ARHGAP44: variants seen among roughly 807,000 people sequenced by gnomAD.
The protein encoded by ARHGAP44 is Rho GTPase activating protein 44, also known as rho GTPase-activating protein 44.
ARHGAP44 carries 43 observed loss-of-function variants against 106.8 expected under a neutral mutation model. The observed-to-expected ratio is 0.40, with a 90% CI of 0.32 to 0.52. The LOEUF (loss-of-function observed/expected upper bound fraction) is 0.52, where lower values mean the gene tolerates loss of function less well. Among genes scored for constraint, ARHGAP44 ranks in the 20% least tolerant of loss-of-function variants. The probability of loss-of-function intolerance (pLI) is 0.48; values close to 1 mark genes in which losing one functional copy is unlikely to be tolerated. For missense variants in ARHGAP44, 866 were observed against 1,050.5 expected (o/e 0.82, Z 2.43); for synonymous variants, 439 against 410.3 (o/e 1.07, Z -0.85).
At chr17:12,929,985 TTCTC>T (rs2038352566) in intron 7 of ARHGAP44, among the ~76,000 whole-genome samples, 1 of 152,176 alleles carries the variant, frequency 6.6e-6, no homozygotes, top group African/African-American at 2.4e-5. Context: ...CAGGGAGAAT[TTCTC>T]TCTAGAATTA....
At chr17:12,889,585 A>T (rs1384658330) in intron 1 of ARHGAP44, among the ~76,000 whole-genome samples, 2 of 152,188 alleles carry the variant, frequency 1.3e-5, no homozygotes, top group Non-Finnish European at 2.9e-5. Context: ...TTCAGGAGAC[A>T]TATTCAGCTT....
At chr17:12,829,106 G>T (rs997253363) in intron 1 of ARHGAP44, among the ~76,000 whole-genome samples, 1 of 152,056 alleles carries the variant, frequency 6.6e-6, no homozygotes, top group African/African-American at 2.4e-5. Flanking sequence ...TTTGTATAAG[G>T]TAGGGATTAA....
intron 16 of ARHGAP44, among the ~76,000 whole-genome samples, chr17:12,964,942 A>G (rs1248069449): frequency 6.6e-6 from 1 of 152,016 alleles, no homozygotes; most frequent in African/African-American, 2.4e-5. Flanking sequence ...TCAGTAGACC[A>G]CTGCCCACTC....
rs937583882 is a variant in ARHGAP44 at position 12,834,941 on chromosome 17, G to A, written c.53+45050G>A. Among the ~76,000 whole-genome samples the A allele has an allele frequency of 2.6e-5, 4 of 152,172 alleles. No homozygotes were observed. The East Asian group carries it at 7.7e-4, about 29-fold the overall frequency. ...AAAAGTACAGCTTACTCTAATCATTGCAAGTTTAATTGCCTGTAATTATTT... is the reference window on the plus strand; with the variant it reads ...AAAAGTACAGCTTACTCTAATCATTACAAGTTTAATTGCCTGTAATTATTT... On this transcript the variant is annotated intron_variant, in intron 1 of 20. Coordinates refer to ENST00000379672, the MANE Select transcript of ARHGAP44 (RefSeq NM_014859.6).
At chr17:12,845,836 T>C (rs2035555255) in intron 1 of ARHGAP44, among the ~76,000 whole-genome samples, 1 of 152,168 alleles carries the variant, frequency 6.6e-6, no homozygotes. Context: ...ACTCAAGAAA[T>C]CCACAGAAGC....
Position 12,958,859 on chromosome 17 carries a change from C to T in ARHGAP44, c.1485C>T (p.Ala495=). The part of the protein sequence containing the change: ...PEQARRPLSV[A]TDNMMLEFYK... ...AGGCCCGCCGGCCCCTCAGCGTCGC[C>T]ACGGATAATATGATGCTGGAGTTTT... Residue 495 remains alanine (A), a synonymous_variant, in exon 16 of 21, where the codon GCC becomes GCT. Transcript: ENST00000379672. This position sits in a 1 kb window ranked among gnomAD's most constrained non-coding sequence, Gnocchi z 4.1. The T allele has an allele frequency of 6.2e-7, 1 of 1,611,564 alleles. No homozygotes were observed. The highest frequency in any genetic ancestry group is 8.5e-7 in the Non-Finnish European group (1 of 1,178,894).
intron 5 of ARHGAP44, among the ~76,000 whole-genome samples, chr17:12,918,309 C>T (rs918145591): frequency 6.6e-6 from 1 of 152,140 alleles, no homozygotes; most frequent in South Asian, 2.1e-4. Flanking sequence ...CATCCCTGCT[C>T]GGGAGAGTGA....
At chr17:12,810,635 G>A (rs2034409919) in intron 1 of ARHGAP44, among the ~76,000 whole-genome samples, 1 of 152,136 alleles carries the variant, frequency 6.6e-6, no homozygotes, top group African/African-American at 2.4e-5. Context: ...GAGATCTCTG[G>A]ACATTGAAGC....
At chr17:12,830,740 A>G (rs960465163) in intron 1 of ARHGAP44, among the ~76,000 whole-genome samples, 1 of 143,460 alleles carries the variant, frequency 7.0e-6, no homozygotes. Flanking sequence ...GAAATATGTT[A>G]TTATTTTTTT....
chr17:12,921,583 C>A (rs1446310978), intron 6 of ARHGAP44, among the ~76,000 whole-genome samples: 1 of 152,010 alleles, frequency 6.6e-6, no homozygotes, highest in East Asian at 1.9e-4. Flanking sequence ...CAGAGTAGGC[C>A]AATTTTAATC....
At chr17:12,857,443 A>G (rs1386096596) in intron 1 of ARHGAP44, among the ~76,000 whole-genome samples, 1 of 152,112 alleles carries the variant, frequency 6.6e-6, no homozygotes, top group Non-Finnish European at 1.5e-5. Flanking sequence ...AAGAGTGTGC[A>G]TGTCAGCTCA....
intron 1 of ARHGAP44, among the ~76,000 whole-genome samples, chr17:12,795,406 A>C (rs1373438616): frequency 1.3e-5 from 2 of 152,202 alleles, no homozygotes; most frequent in Non-Finnish European, 2.9e-5. Flanking sequence ...GAAGCTGTCT[A>C]GATTTCCTGC....
chr17:12,939,520 G>A (rs2038646632), intron 7 of ARHGAP44, among the ~76,000 whole-genome samples: 1 of 151,916 alleles, frequency 6.6e-6, no homozygotes, highest in Non-Finnish European at 1.5e-5. Flanking sequence ...GGCTGGAGTG[G>A]AGTGTTGTGA....
At chr17:12,849,568 CTTTTTT>C (rs776346185) in intron 1 of ARHGAP44, among the ~76,000 whole-genome samples, 3 of 69,966 alleles carry the variant, frequency 4.3e-5, no homozygotes, top group South Asian at 4.6e-4. Flanking sequence ...TACTTTTGTC[CTTTTTT>C]TTTTTTTTTT....
chr17:12,982,962 C>G (rs2039867899), intron 19 of ARHGAP44: 1 of 152,196 alleles, frequency 6.6e-6, no homozygotes. Context: ...ATAATTCCTT[C>G]TAGAATCAGA....
In ARHGAP44 at chr17:12,908,759, T is replaced by A. The variant is rs1249830439; in HGVS notation, c.199-138T>A. On this transcript the variant is annotated intron_variant, in intron 3 of 20. Coordinates refer to ENST00000379672, the MANE Select transcript of ARHGAP44 (RefSeq NM_014859.6). ...CCCATCATGGTGCACTATGAATTTC[T>A]ATGTTTAAACCTATTTTAAAGTTAG... 16 of 651,524 alleles carry A rather than the reference T, an allele frequency of 2.5e-5. No homozygotes were observed. The East Asian group carries it at 4.9e-4, about 20-fold the overall frequency. 40.4% of individuals were successfully genotyped at this position (651,524 alleles called of 1,614,324 possible).
intron 3 of ARHGAP44, among the ~76,000 whole-genome samples, chr17:12,897,603 A>G (rs1043889923): frequency 4.6e-5 from 7 of 152,116 alleles, no homozygotes; most frequent in African/African-American, 1.7e-4. Context: ...AGAGTTTGCA[A>G]AATGACTTTG....
At chr17:12,897,673 TG>T (rs2037252280) in intron 3 of ARHGAP44, among the ~76,000 whole-genome samples, 1 of 148,320 alleles carries the variant, frequency 6.7e-6, no homozygotes, top group Non-Finnish European at 1.5e-5. Flanking sequence ...CGGTTCCGGA[TG>T]GGGGTGCTGG....
At chr17:12,868,902 C>A (rs2036321712) in intron 1 of ARHGAP44, among the ~76,000 whole-genome samples, 1 of 151,624 alleles carries the variant, frequency 6.6e-6, no homozygotes, top group South Asian at 2.1e-4. Flanking sequence ...GTGATCCACC[C>A]ACCTTGGCCT....
Sources: allele counts gnomAD v4.1 joint callset (sites outside exome capture counted in the v4.1 genomes callset), GRCh38; gene constraint gnomAD v4.1.1; non-coding constraint Gnocchi (gnomAD v3.1); transcripts MANE v1.5; gene names NCBI Gene and HGNC (gene_info 2026-07-23, HGNC 2026-07-21).